KIAA1549L: variants seen among roughly 807,000 people sequenced by gnomAD.
The protein encoded by KIAA1549L is UPF0606 protein KIAA1549L.
In KIAA1549L, 88 loss-of-function variants were observed where a neutral mutation model predicts 160.7. That is an observed-to-expected ratio of 0.55 (90% CI 0.46 to 0.65). The LOEUF is 0.65. Ranked by LOEUF, KIAA1549L falls within the 30% of genes least tolerant of loss-of-function variation. KIAA1549L has a pLI of 0.00. For synonymous variants in KIAA1549L, 950 were observed against 976.7 expected, an observed-to-expected ratio of 0.97 and a Z score of 0.51; for missense variants, 2,258 against 2,437.5, an observed-to-expected ratio of 0.93 and a Z score of 1.55.
At chr11:33,448,992 G>T (rs1284129728) in intron 1 of KIAA1549L, among the ~76,000 whole-genome samples, 1 of 152,112 alleles carries the variant, frequency 6.6e-6, no homozygotes, top group African/African-American at 2.4e-5. Context: ...CAGTATCAAA[G>T]AATACATCCT....
chr11:33,400,951 T>G (rs1364940703), intron 1 of KIAA1549L, among the ~76,000 whole-genome samples: 1 of 152,130 alleles, frequency 6.6e-6, no homozygotes, highest in Non-Finnish European at 1.5e-5. Context: ...GGATCTGTCC[T>G]TCTGAACCCA....
At chr11:33,437,107 T>G (rs1851396720) in intron 1 of KIAA1549L, among the ~76,000 whole-genome samples, 2 of 152,240 alleles carry the variant, frequency 1.3e-5, no homozygotes, top group Non-Finnish European at 2.9e-5. Context: ...ATTCCAGCCC[T>G]TAAATATTCT....
At chr11:33,558,510 C>G (rs1212151526) in intron 6 of KIAA1549L, among the ~76,000 whole-genome samples, 1 of 152,068 alleles carries the variant, frequency 6.6e-6, no homozygotes, top group Non-Finnish European at 1.5e-5. Context: ...GGGCACCGGA[C>G]AGGGCAGAGA....
chr11:33,387,119 T>TAAATA (rs770560889), intron 1 of KIAA1549L, among the ~76,000 whole-genome samples: 3 of 151,932 alleles, frequency 2.0e-5, no homozygotes, highest in Non-Finnish European at 2.9e-5. Flanking sequence ...AAATAAAAGA[T>TAAATA]AAATAAAATA....
intron 1 of KIAA1549L, among the ~76,000 whole-genome samples, chr11:33,439,653 C>T (rs1310293499): frequency 3.3e-5 from 5 of 151,058 alleles, no homozygotes; most frequent in Admixed American, 6.6e-5. Flanking sequence ...CCTCGTGATC[C>T]GCCTGCCTTG....
intron 1 of KIAA1549L, among the ~76,000 whole-genome samples, chr11:33,493,415 T>G (rs1164706133): frequency 6.6e-6 from 1 of 152,164 alleles, no homozygotes; most frequent in East Asian, 1.9e-4. Flanking sequence ...ATAAATGTCT[T>G]TTCTTTATAA....
In KIAA1549L at chr11:33,460,353, A is replaced by C. The variant is rs563981014; in HGVS notation, c.239-81449A>C. 6.0e-4 allele frequency among the ~76,000 whole-genome samples: 92 copies of C among 152,312 alleles called. 1 individual carries two copies. Among genetic ancestry groups the C allele is most frequent in the Non-Finnish European group, 1.0e-4 (7 of 68,030 alleles). ...ACACATCCCTGATTTTGAAGAACTC[A>C]AGAATCCATCCCTATGCAATAGTGC... On this transcript the variant is annotated intron_variant, in intron 1 of 20. Coordinates refer to ENST00000658780, the MANE Select transcript of KIAA1549L (RefSeq NM_012194.3).
rs749821403 is a variant in KIAA1549L, at chr11:33,618,676, G to C, written c.5409+14G>C. ...AGCGGATACGATGTGAGTCTCTGGT[G>C]GGCTGGGTAAATACAAGCTTTCCTT... On this transcript the variant is annotated intron_variant, in intron 16 of 20. Coordinates refer to ENST00000658780, the MANE Select transcript of KIAA1549L (RefSeq NM_012194.3). 3.2e-6 allele frequency: 5 copies of C among 1,558,846 alleles called. No individual in the cohort carries two copies. Among genetic ancestry groups the C allele is most frequent in the Non-Finnish European group, 3.5e-6 (4 of 1,147,878 alleles).
intron 9 of KIAA1549L, among the ~76,000 whole-genome samples, chr11:33,573,850 C>T (rs1464272765): frequency 1.3e-5 from 2 of 152,024 alleles, no homozygotes; most frequent in African/African-American, 4.8e-5. Context: ...TTGTTAATTA[C>T]AGTAGTAAAA....
chr11:33,596,455 G>A (rs1850202481), intron 12 of KIAA1549L, among the ~76,000 whole-genome samples: 1 of 152,210 alleles, frequency 6.6e-6, no homozygotes, highest in South Asian at 2.1e-4. Flanking sequence ...AAACCATTCA[G>A]GCCAGGCTCG....
intron 10 of KIAA1549L, among the ~76,000 whole-genome samples, chr11:33,578,711 G>A (rs1983640): frequency 0.058 from 8,845 of 152,196 alleles, 373 homozygotes; most frequent in East Asian, 0.17. Context: ...TGTGGCCTGC[G>A]TTTCTCTCCT....
chr11:33,531,463 A>T (rs138283807), intron 1 of KIAA1549L, among the ~76,000 whole-genome samples: 91 of 152,120 alleles, frequency 6.0e-4, no homozygotes, highest in African/African-American at 2.1e-3. Context: ...GAGGAATGAG[A>T]CTCTGTCTCA....
At chr11:33,435,421 T>C (rs946930251) in intron 1 of KIAA1549L, among the ~76,000 whole-genome samples, 1 of 152,128 alleles carries the variant, frequency 6.6e-6, no homozygotes, top group Non-Finnish European at 1.5e-5. Flanking sequence ...ATCAGTTCTT[T>C]TTTGGTAGTT....
chr11:33,578,972 G>A (rs971857678), intron 10 of KIAA1549L, among the ~76,000 whole-genome samples: 8 of 152,198 alleles, frequency 5.3e-5, no homozygotes, highest in African/African-American at 1.7e-4. Context: ...TGAAGGCAAA[G>A]GAACCACCCT....
chr11:33,443,485 T>A (rs1169347778), intron 1 of KIAA1549L, among the ~76,000 whole-genome samples: 1 of 152,218 alleles, frequency 6.6e-6, no homozygotes, highest in Non-Finnish European at 1.5e-5. Flanking sequence ...TTAGCTCAAG[T>A]TGTTATCATT....
At chr11:33,453,883 T>A (rs1000252648) in intron 1 of KIAA1549L, among the ~76,000 whole-genome samples, 7 of 152,212 alleles carry the variant, frequency 4.6e-5, no homozygotes, top group African/African-American at 1.7e-4. Flanking sequence ...AATATCCAGT[T>A]GCACCCTTCC....
At chr11:33,469,946 A>G (rs1467418375) in intron 1 of KIAA1549L, among the ~76,000 whole-genome samples, 6 of 152,188 alleles carry the variant, frequency 3.9e-5, no homozygotes, top group Non-Finnish European at 8.8e-5. Flanking sequence ...TTGGTTTGCA[A>G]ATATTTTCTT....
At chr11:33,400,144 G>A (rs1366870993) in intron 1 of KIAA1549L, among the ~76,000 whole-genome samples, 1 of 152,122 alleles carries the variant, frequency 6.6e-6, no homozygotes, top group Non-Finnish European at 1.5e-5. Context: ...ATCTTTAAGA[G>A]TCATTGGTAC....
At chr11:33,651,407 A>G (rs1851880492) in intron 17 of KIAA1549L, among the ~76,000 whole-genome samples, 1 of 151,674 alleles carries the variant, frequency 6.6e-6, no homozygotes, top group Non-Finnish European at 1.5e-5. Flanking sequence ...ATTGCACTCC[A>G]GCCTGTGCAA....
Sources: allele counts gnomAD v4.1 joint callset (sites outside exome capture counted in the v4.1 genomes callset), GRCh38; gene constraint gnomAD v4.1.1; transcripts MANE v1.5; gene names NCBI Gene and HGNC (gene_info 2026-07-23, HGNC 2026-07-21).